Variants in HLCS observed in about 807,000 individuals in gnomAD.
HLCS encodes the protein biotin--protein ligase.
In HLCS, 53 loss-of-function variants were observed where a neutral mutation model predicts 75.0. That is an observed-to-expected ratio of 0.71 (90% CI 0.57 to 0.89). HLCS has a LOEUF of 0.89. Ranked by LOEUF, HLCS falls within the 40% of genes least tolerant of loss-of-function variation. The probability of loss-of-function intolerance (pLI) is 0.00; values close to 1 mark genes in which losing one functional copy is unlikely to be tolerated. For missense variants in HLCS, 966 were observed against 1,074.0 expected (o/e 0.90, Z 1.41); for synonymous variants, 431 against 428.6 (o/e 1.01, Z -0.07).
chr21:36,830,105 C>CG (rs1223581336), intron 6 of HLCS, among the ~76,000 whole-genome samples: 3 of 152,152 alleles, frequency 2.0e-5, no homozygotes, highest in Non-Finnish European at 4.4e-5. Context: ...TGAACACAGA[C>CG]ACACACACAG....
At chr21:36,800,309 C>T (rs1337528196) in intron 6 of HLCS, among the ~76,000 whole-genome samples, 2 of 152,136 alleles carry the variant, frequency 1.3e-5, no homozygotes, top group African/African-American at 4.8e-5. Flanking sequence ...TCCTGGCACA[C>T]AGTGGGTACT....
chr21:36,969,559 A>G (rs1236544167), upstream of HLCS: 1 of 150,188 alleles, frequency 6.7e-6, no homozygotes, highest in Non-Finnish European at 1.5e-5. Context: ...AATGATGTGG[A>G]AAATAAGACC....
At chr21:36,758,072 A>C (rs1480604168) in intron 9 of HLCS, among the ~76,000 whole-genome samples, 1 of 152,112 alleles carries the variant, frequency 6.6e-6, no homozygotes, top group Non-Finnish European at 1.5e-5. Context: ...TCACCATAGG[A>C]AAATGTTTCA....
At chr21:36,856,945 T>C (rs562813383) in intron 6 of HLCS, among the ~76,000 whole-genome samples, 1 of 152,210 alleles carries the variant, frequency 6.6e-6, no homozygotes, top group Non-Finnish European at 1.5e-5. Context: ...TACCTTAAAT[T>C]AGTAATTTGC....
At chr21:36,895,485 T>G (rs1347647552) in intron 6 of HLCS, among the ~76,000 whole-genome samples, 1 of 152,020 alleles carries the variant, frequency 6.6e-6, no homozygotes, top group Non-Finnish European at 1.5e-5. Context: ...ACAAATTAAC[T>G]CAGTACACAA....
chr21:36,756,641 A>ATGAGATAATC lies in HLCS; in HGVS notation c.2341_2350dup (p.Ile784ArgfsTer115). 6.2e-7 allele frequency: 1 copy of ATGAGATAATC among 1,614,142 alleles called. No homozygotes were observed. The highest frequency in any genetic ancestry group is 8.5e-7 in the Non-Finnish European group (1 of 1,180,032). ...CTCCAGCACAGTCACGACTCTGGCGATGAGATAATCGGCTCTTAAGGGCTT... is the reference window on the plus strand; with the variant it reads ...CTCCAGCACAGTCACGACTCTGGCGATGAGATAATCTGAGATAATCGGCTCTTAAGGGCTT... On this transcript the variant is annotated frameshift_variant, in exon 10 of 11. Coordinates refer to ENST00000674895, the MANE Select transcript of HLCS (RefSeq NM_001352514.2). LOFTEE classifies it high-confidence loss of function.
upstream of HLCS, chr21:36,966,698 G>C: frequency 1.2e-6 from 1 of 865,856 alleles, no homozygotes; most frequent in Non-Finnish European, 1.4e-6. Flanking sequence ...CCCAGGCCCG[G>C]CCCCGCCCCG....
intron 6 of HLCS, among the ~76,000 whole-genome samples, chr21:36,874,408 AT>A (rs71319540): frequency 0.47 from 68,762 of 147,142 alleles, 18,228 homozygotes; most frequent in African/African-American, 0.72. Flanking sequence ...TCTCAAAAAA[AT>A]AAAATAAAAT....
chr21:36,821,115 C>A (rs2061827538), intron 6 of HLCS, among the ~76,000 whole-genome samples: 1 of 152,246 alleles, frequency 6.6e-6, no homozygotes, highest in South Asian at 2.1e-4. Context: ...CATCGTCCTC[C>A]TGTTTATTTC....
intron 6 of HLCS, among the ~76,000 whole-genome samples, chr21:36,855,221 T>G (rs1197319443): frequency 1.3e-5 from 2 of 152,134 alleles, no homozygotes; most frequent in Non-Finnish European, 2.9e-5. Flanking sequence ...ATCGTTTATA[T>G]AATGTATAAA....
At chr21:36,819,005 A>T (rs2061745637) in intron 6 of HLCS, among the ~76,000 whole-genome samples, 1 of 152,154 alleles carries the variant, frequency 6.6e-6, no homozygotes, top group South Asian at 2.1e-4. Context: ...ATTATAAAGC[A>T]ACGTCGATGC....
rs777309951 is a variant in HLCS at position 36,867,154 on chromosome 21, A to G, written c.1892+29706T>C. Among the ~76,000 whole-genome samples, 7 of 152,342 alleles carry G rather than the reference A, an allele frequency of 4.6e-5. No individual in the cohort carries two copies. The East Asian group carries it at 7.7e-4, about 17-fold the overall frequency. Reference sequence around the variant, plus strand: ...GACCCAGTTCCCATAAAAGAGAAACATCACACATGTACATATATCTGGGGG... The same window carrying G: ...GACCCAGTTCCCATAAAAGAGAAACGTCACACATGTACATATATCTGGGGG... On this transcript the variant is annotated intron_variant, in intron 6 of 10. Coordinates refer to ENST00000674895, the MANE Select transcript of HLCS (RefSeq NM_001352514.2).
chr21:36,761,592 G>A (rs1456591538), intron 8 of HLCS, among the ~76,000 whole-genome samples: 2 of 152,166 alleles, frequency 1.3e-5, no homozygotes, highest in African/African-American at 4.8e-5. Flanking sequence ...GCCTGAGGGA[G>A]TGCTACCGGC....
intron 6 of HLCS, among the ~76,000 whole-genome samples, chr21:36,871,151 G>A (rs1315223909): frequency 6.6e-6 from 1 of 152,148 alleles, no homozygotes; most frequent in Non-Finnish European, 1.5e-5. Flanking sequence ...ATGATATGAG[G>A]TGTGAGAAAT....
At position 36,750,226 on chromosome 21, in the gene HLCS, AG is replaced by A. The variant is rs1222831798; in HGVS notation, c.*4019del. ...TACATATGCCTCTCTTTTACAAAAAAGAAAAAAAAATCATCGTAGGCCCTAA... is the reference window on the plus strand; with the variant it reads ...TACATATGCCTCTCTTTTACAAAAAAAAAAAAAAATCATCGTAGGCCCTAA... On this transcript the variant is annotated 3_prime_UTR_variant, in exon 11 of 11. Transcript: ENST00000674895. Among the ~76,000 whole-genome samples the A allele has an allele frequency of 5.7e-4, 87 of 152,340 alleles. No individual in the cohort carries two copies. Among genetic ancestry groups the A allele is most frequent in the African/African-American group, 2.1e-3 (86 of 41,576 alleles).
At chr21:36,861,772 C>G (rs538467997) in intron 6 of HLCS, among the ~76,000 whole-genome samples, 2 of 152,188 alleles carry the variant, frequency 1.3e-5, no homozygotes, top group African/African-American at 4.8e-5. Flanking sequence ...AATAGCTTTA[C>G]TGAGACATAA....
intron 5 of HLCS, among the ~76,000 whole-genome samples, chr21:36,900,841 CAA>C (rs1824344548): frequency 6.6e-6 from 1 of 152,230 alleles, no homozygotes; most frequent in South Asian, 2.1e-4. Flanking sequence ...AAAAAGAGCC[CAA>C]GATTTCTGGC....
At chr21:36,928,796 A>G (rs984640739) in intron 5 of HLCS, among the ~76,000 whole-genome samples, 1 of 152,218 alleles carries the variant, frequency 6.6e-6, no homozygotes, top group African/African-American at 2.4e-5. Context: ...ATTATGTAAT[A>G]AGGGGCTTAG....
intron 5 of HLCS, among the ~76,000 whole-genome samples, chr21:36,920,815 T>G (rs2256034): frequency 0.44 from 67,400 of 151,962 alleles, 15,855 homozygotes; most frequent in African/African-American, 0.6. Flanking sequence ...AGCATTTTAT[T>G]AACTAAAAAG....
Sources: allele counts gnomAD v4.1 joint callset (sites outside exome capture counted in the v4.1 genomes callset), GRCh38; gene constraint gnomAD v4.1.1; transcripts MANE v1.5; gene names NCBI Gene and HGNC (gene_info 2026-07-23, HGNC 2026-07-21).